The following FANCC variants were observed in gnomAD, a reference collection of about 807,000 sequenced individuals.
FANCC encodes FA complementation group C, also known as Fanconi anemia group C protein.
Under a neutral mutation model 71.3 loss-of-function variants are expected in FANCC, and 55 were observed. The ratio of observed to expected loss-of-function variants is 0.77; its 90% CI spans 0.62 to 0.97. FANCC has a LOEUF of 0.97. Ranked by LOEUF, FANCC falls within the 50% of genes least tolerant of loss-of-function variation. FANCC has a pLI of 0.00. For synonymous variants in FANCC, 275 were observed against 244.9 expected (o/e 1.12, Z -1.15); for missense variants, 678 against 670.9 (o/e 1.01, Z -0.12).
intron 1 of FANCC, among the ~76,000 whole-genome samples, chr9:95,285,793 A>C (rs544861982): frequency 6.6e-6 from 1 of 152,310 alleles, no homozygotes; most frequent in Non-Finnish European, 1.5e-5. Context: ...ATATCAAAAA[A>C]CTTTGAATGT....
chr9:95,191,323 C>T (rs1827094019), intron 4 of FANCC, among the ~76,000 whole-genome samples: 2 of 132,220 alleles, frequency 1.5e-5, no homozygotes, highest in South Asian at 2.6e-4. Flanking sequence ...CACCATCCTA[C>T]TTCCTTTTTT....
At chr9:95,308,082 A>G (rs2136401086) in intron 1 of FANCC, among the ~76,000 whole-genome samples, 1 of 152,338 alleles carries the variant, frequency 6.6e-6, no homozygotes, top group East Asian at 1.9e-4. Context: ...AATAACATGT[A>G]GTCATTTAGT....
intron 10 of FANCC, among the ~76,000 whole-genome samples, chr9:95,121,337 G>A (rs563084210): frequency 1.3e-5 from 2 of 152,184 alleles, no homozygotes; most frequent in Non-Finnish European, 2.9e-5. Flanking sequence ...GGGACAAGAG[G>A]AAAGGGTAAG....
intron 14 of FANCC, among the ~76,000 whole-genome samples, chr9:95,105,353 G>T (rs2071361998): frequency 1.3e-5 from 2 of 152,188 alleles, no homozygotes; most frequent in South Asian, 4.1e-4. Flanking sequence ...TATTCCTCTC[G>T]AGTTGGCTGC....
chr9:95,295,583 C>T (rs80327230), intron 1 of FANCC, among the ~76,000 whole-genome samples: 224 of 152,166 alleles, frequency 1.5e-3, no homozygotes, highest in Middle Eastern at 6.8e-3. Flanking sequence ...CCAGCCTAGG[C>T]AACAGAGCAA....
chr9:95,127,753 G>A lies in FANCC; in HGVS notation c.844-1172C>T, dbSNP rs190084580. On this transcript the variant is annotated intron_variant, in intron 8 of 14. Coordinates refer to ENST00000289081, the MANE Select transcript of FANCC (RefSeq NM_000136.3). ...AGGCGCTCTGCTCCGGCCGTGCCCT[G>A]GATCACACTGAGGCAGGACCGCGCC... is the stretch of plus-strand genomic sequence containing the variant. Among the ~76,000 whole-genome samples, 123 of 152,350 alleles carry A rather than the reference G, an allele frequency of 8.1e-4. 2 individuals are homozygous for A. The East Asian group carries it at 0.023, about 28-fold the overall frequency.
intron 1 of FANCC, among the ~76,000 whole-genome samples, chr9:95,298,953 C>A (rs1253665428): frequency 6.6e-6 from 1 of 152,170 alleles, no homozygotes; most frequent in Non-Finnish European, 1.5e-5. Context: ...CTATAAAACA[C>A]AATGATTCTA....
Position 95,122,032 on chromosome 9 carries a change from G to C in FANCC, c.996+3054C>G, listed in dbSNP as rs528034270. Among the ~76,000 whole-genome samples the C allele has an allele frequency of 4.0e-4, 60 of 151,758 alleles. 1 individual carries two copies. The highest frequency in any genetic ancestry group is 8.2e-4 in the Non-Finnish European group (56 of 67,934). The stretch of plus-strand genomic sequence containing the variant: ...ACCACCATGCCCGGCGAATTTTTTT[G>C]TATTTTTAGTAGAGACAGGGTTTCA... On this transcript the variant is annotated intron_variant, in intron 10 of 14. Transcript: ENST00000289081.
At chr9:95,223,904 G>T (rs1392445211) in intron 4 of FANCC, among the ~76,000 whole-genome samples, 1 of 152,222 alleles carries the variant, frequency 6.6e-6, no homozygotes, top group Non-Finnish European at 1.5e-5. Flanking sequence ...TTGAACCCGG[G>T]AGGCAGAAGT....
chr9:95,248,512 A>C (rs927231053), intron 2 of FANCC, among the ~76,000 whole-genome samples: 1 of 152,236 alleles, frequency 6.6e-6, no homozygotes, highest in Non-Finnish European at 1.5e-5. Flanking sequence ...AAAGCTTAAC[A>C]CAAGAACACT....
intron 1 of FANCC, among the ~76,000 whole-genome samples, chr9:95,287,153 C>T (rs1042092413): frequency 6.6e-6 from 1 of 152,064 alleles, no homozygotes; most frequent in Non-Finnish European, 1.5e-5. Flanking sequence ...AAATATCTTG[C>T]CCAAATATCT....
rs1000528763 is a variant in FANCC, at chr9:95,317,693, T to C, written c.-246A>G. On this transcript the variant is annotated 5_prime_UTR_variant, in exon 1 of 15. Coordinates refer to ENST00000289081, the MANE Select transcript of FANCC (RefSeq NM_000136.3). ...CAGTGGAGCCGCGCGCGCGCACACG[T>C]GTCAGCAGTGCATTCTGGGGCCTGG... The C allele has an allele frequency of 5.3e-5, 8 of 152,176 alleles. No individual in the cohort carries two copies. Among genetic ancestry groups the C allele is most frequent in the Middle Eastern group, 6.8e-3 (2 of 294 alleles). 9.4% of individuals were successfully genotyped at this position (152,176 alleles called of 1,614,324 possible). A position where few individuals can be genotyped will look rare whatever the true frequency, so the allele number is the denominator to read the frequency against.
At chr9:95,308,315 G>A (rs2136402274) in intron 1 of FANCC, among the ~76,000 whole-genome samples, 1 of 151,780 alleles carries the variant, frequency 6.6e-6, no homozygotes, top group South Asian at 2.1e-4. Context: ...TGCAATCACA[G>A]ATCACCGCTT....
intron 8 of FANCC, among the ~76,000 whole-genome samples, chr9:95,133,052 T>G (rs1270762042): frequency 6.6e-6 from 1 of 152,192 alleles, no homozygotes; most frequent in Non-Finnish European, 1.5e-5. Flanking sequence ...GCTATCTGAG[T>G]CTTAGAGATC....
At chr9:95,129,933 G>A (rs558772364) in intron 8 of FANCC, among the ~76,000 whole-genome samples, 2 of 152,270 alleles carry the variant, frequency 1.3e-5, no homozygotes, top group East Asian at 3.9e-4. Flanking sequence ...CTCCCCTCAT[G>A]GCTACCCAGA....
intron 14 of FANCC, among the ~76,000 whole-genome samples, chr9:95,102,393 T>C (rs2071130075): frequency 6.6e-6 from 1 of 152,330 alleles, no homozygotes; most frequent in Admixed American, 6.5e-5. Flanking sequence ...AGACACAGCC[T>C]CAAGGCATTC....
At chr9:95,110,860 T>C in intron 13 of FANCC, 4 of 1,188,674 alleles carry the variant, frequency 3.4e-6, no homozygotes, top group Non-Finnish European at 4.2e-6. Context: ...AAATAACAAC[T>C]GTCTTTGCCA....
chr9:95,201,046 G>A (rs923741012), intron 4 of FANCC, among the ~76,000 whole-genome samples: 5 of 152,246 alleles, frequency 3.3e-5, no homozygotes, highest in African/African-American at 1.2e-4. Context: ...ATAATGAATT[G>A]CCTTTTATAA....
intron 1 of FANCC, among the ~76,000 whole-genome samples, chr9:95,301,096 A>G (rs887018698): frequency 6.6e-6 from 1 of 151,996 alleles, no homozygotes; most frequent in African/African-American, 2.4e-5. Flanking sequence ...TTCTCGGTTA[A>G]GACCACACAA....
Sources: allele counts gnomAD v4.1 joint callset (sites outside exome capture counted in the v4.1 genomes callset), GRCh38; gene constraint gnomAD v4.1.1; transcripts MANE v1.5; gene names NCBI Gene and HGNC (gene_info 2026-07-23, HGNC 2026-07-21).